Variants in NME8 observed in about 807,000 individuals in gnomAD.
The protein encoded by NME8 is protein NME8.
NME8 carries 72 observed loss-of-function variants against 82.3 expected under a neutral mutation model. That is an observed-to-expected ratio of 0.87 (90% CI 0.72 to 1.06). NME8 has a LOEUF of 1.06. Among genes scored for constraint, NME8 ranks in the 50% least tolerant of loss-of-function variants. NME8 has a pLI of 0.00. For synonymous variants in NME8, 267 were observed against 228.5 expected (o/e 1.17, Z -1.52); for missense variants, 712 against 685.4 (o/e 1.04, Z -0.43).
At chr7:37,864,720 G>A (rs540274551) in intron 9 of NME8, among the ~76,000 whole-genome samples, 85 of 152,038 alleles carry the variant, frequency 5.6e-4, no homozygotes, top group Non-Finnish European at 1.1e-3. Context: ...TCTGAGACTG[G>A]GCAATTTACA....
chr7:37,874,107 C>A (rs1359579958), intron 11 of NME8, among the ~76,000 whole-genome samples: 1 of 152,118 alleles, frequency 6.6e-6, no homozygotes, highest in Non-Finnish European at 1.5e-5. Context: ...CACCTATATA[C>A]TCCTTCTGTG....
intron 15 of NME8, among the ~76,000 whole-genome samples, chr7:37,893,737 A>T (rs1448686301): frequency 3.9e-5 from 6 of 152,174 alleles, no homozygotes; most frequent in African/African-American, 1.4e-4. Context: ...TGATATCTTT[A>T]TAGGCCTTGC....
Position 37,897,119 on chromosome 7 carries a change from T to C in NME8, c.*15+12T>C. 1 of 1,449,994 alleles carries C rather than the reference T, an allele frequency of 6.9e-7. No individual in the cohort carries two copies. The highest frequency in any genetic ancestry group is 1.1e-5 in the South Asian group (1 of 87,058). The allele number at this position is 1,449,994 out of a possible 1,614,324, so 89.8% of individuals were successfully genotyped here. On this transcript the variant is annotated intron_variant, in intron 17 of 17. Coordinates refer to ENST00000199447, the MANE Select transcript of NME8 (RefSeq NM_016616.5). ...GTATATACTGTGAAGTACGTACCTG[T>C]TTAATTATTATTTTATTTTATTTGC...
intron 15 of NME8, among the ~76,000 whole-genome samples, chr7:37,892,259 G>C (rs1167566706): frequency 6.6e-6 from 1 of 150,832 alleles, no homozygotes; most frequent in Non-Finnish European, 1.5e-5. Context: ...CTTTTTCACT[G>C]TCTAGATTCT....
At chr7:37,899,279 T>A (rs193215057) in intron 17 of NME8, among the ~76,000 whole-genome samples, 1 of 152,240 alleles carries the variant, frequency 6.6e-6, no homozygotes, top group East Asian at 1.9e-4. Flanking sequence ...ATGGAATCAG[T>A]CTAAATGCCC....
intron 10 of NME8, among the ~76,000 whole-genome samples, chr7:37,867,284 GGTATGTAGCTTTTTTTTTTTTAATCTTT>G (rs1474732651): frequency 1.3e-5 from 2 of 150,836 alleles, no homozygotes; most frequent in African/African-American, 4.9e-5. Context: ...TTATGAGGGA[GGTATGTAGCTTTTTTTTTTTTAATCTTT>G]GTAGCAATCT....
intron 12 of NME8, among the ~76,000 whole-genome samples, chr7:37,882,571 G>A (rs1562838014): frequency 2.7e-5 from 1 of 36,680 alleles, no homozygotes; most frequent in Non-Finnish European, 5.8e-5. Flanking sequence ...AAGAAAGAAA[G>A]AAAGAAAGAA....
intron 17 of NME8, 129 bp downstream of exon 17, chr7:37,897,236 A>C: frequency 1.5e-6 from 1 of 667,436 alleles, no homozygotes; most frequent in South Asian, 1.8e-5. Flanking sequence ...CCTGTGAGAC[A>C]CACTGTTCTA....
chr7:37,884,331 A>G lies in NME8; in HGVS notation c.1023A>G (p.Glu341=). ...ATGTTTTGCGTATTATTAAAGATGA[A>G]GACTTCAAAATACTGGAGCAAAGAC... is the stretch of plus-strand genomic sequence containing the variant. ...KDDVLRIIKD[E]DFKILEQRQV... The change falls in exon 13 of 18, where the codon GAA becomes GAG. Residue 341 remains glutamate (E), a synonymous_variant. Coordinates refer to ENST00000199447, the MANE Select transcript of NME8 (RefSeq NM_016616.5). 6.3e-7 allele frequency: 1 copy of G among 1,594,194 alleles called. No homozygotes were observed.
rs542839478 is a variant in NME8 at position 37,853,730 on chromosome 7, A to G, written c.198+2995A>G. 1.2e-4 allele frequency among the ~76,000 whole-genome samples: 18 copies of G among 152,258 alleles called. No homozygotes were observed. The South Asian group carries it at 1.7e-3, about 14-fold the overall frequency. On this transcript the variant is annotated intron_variant, in intron 5 of 17. Transcript: ENST00000199447. Reference sequence around the variant, plus strand: ...GACATATTGTTTTCTGCTGTTAATCAAGGAAGAACTTGAACATGTAGGTCC... The same window carrying G: ...GACATATTGTTTTCTGCTGTTAATCGAGGAAGAACTTGAACATGTAGGTCC...
rs73119069 is a variant in NME8 at position 37,867,445 on chromosome 7, T to G, written c.622-257T>G. 0.086 allele frequency among the ~76,000 whole-genome samples: 13,045 copies of G among 152,172 alleles called. 847 individuals are homozygous for G. Among genetic ancestry groups the G allele is most frequent in the African/African-American group, 0.18 (7,418 of 41,484 alleles). ...TTCTAAGGATACAAATTTACCCTGC[T>G]CTGGTTATTATACATTTTCTTTATT... On this transcript the variant is annotated intron_variant, in intron 10 of 17. Transcript: ENST00000199447.
intron 10 of NME8, among the ~76,000 whole-genome samples, chr7:37,867,291 A>G (rs1035755632): frequency 6.0e-5 from 9 of 150,858 alleles, no homozygotes; most frequent in Admixed American, 2.6e-4. Context: ...GGAGGTATGT[A>G]GCTTTTTTTT....
chr7:37,864,149 G>A (rs570161728), intron 8 of NME8, among the ~76,000 whole-genome samples, 199 bp from the exon 9 acceptor site: 77 of 152,250 alleles, frequency 5.1e-4, no homozygotes, highest in South Asian at 1.2e-3. Context: ...TGTTTCCCCT[G>A]CATGCAAATA....
At chr7:37,882,563 GA>G (rs765094935) in intron 12 of NME8, among the ~76,000 whole-genome samples, 1 of 26,500 alleles carries the variant, frequency 3.8e-5, no homozygotes. Context: ...AAGAAAGAAA[GA>G]AAGAAAGAAA....
Position 37,884,387 on chromosome 7 carries a change from C to G in NME8, c.1079C>G (p.Ala360Gly). 6.2e-7 allele frequency: 1 copy of G among 1,606,702 alleles called. No individual in the cohort carries two copies. The highest frequency in any genetic ancestry group is 8.5e-7 in the Non-Finnish European group (1 of 1,173,330). ...QVVLSEKEAQ[A>G]LCKEYENEDY... The stretch of plus-strand genomic sequence containing the variant: ...GTATTATCGGAAAAAGAAGCACAAG[C>G]ACTGTGCAAGGAATATGAAAATGAA... Residue 360 changes from alanine to glycine, a missense_variant, in exon 13 of 18, where the codon GCA (alanine) becomes GGA (glycine). By Grantham distance (60) the Ala-to-Gly change is moderately conservative. Transcript: ENST00000199447.
chr7:37,881,258 A>G (rs1335218627), intron 12 of NME8, among the ~76,000 whole-genome samples: 2 of 152,084 alleles, frequency 1.3e-5, no homozygotes, highest in Non-Finnish European at 2.9e-5. Flanking sequence ...CAAAGCATCT[A>G]GTTTCTTTCC....
intron 5 of NME8, among the ~76,000 whole-genome samples, chr7:37,853,314 CG>C: frequency 1.3e-5 from 2 of 151,986 alleles, no homozygotes; most frequent in South Asian, 4.2e-4. Flanking sequence ...TTTTTAAAGA[CG>C]AGATTCTGTA....
intron 5 of NME8, among the ~76,000 whole-genome samples, chr7:37,852,930 T>G (rs570920068): frequency 6.6e-6 from 1 of 152,320 alleles, no homozygotes; most frequent in African/African-American, 2.4e-5. Context: ...CCTAAGCAGC[T>G]GTACCATTTT....
chr7:37,869,214 T>A (rs1784734451), intron 11 of NME8, among the ~76,000 whole-genome samples: 1 of 152,158 alleles, frequency 6.6e-6, no homozygotes, highest in Non-Finnish European at 1.5e-5. Context: ...GAGATCCTAA[T>A]ATCATTAATT....
Sources: gnomAD v4.1 joint callset for allele counts (sites outside exome capture counted in the v4.1 genomes callset) on GRCh38, gnomAD v4.1.1 for gene constraint, MANE v1.5 for transcripts, NCBI Gene and HGNC (gene_info 2026-07-23, HGNC 2026-07-21) for gene names.